The following OTOGL variants were observed in gnomAD, a reference collection of about 807,000 sequenced individuals.
OTOGL encodes otogelin like, also known as otogelin-like protein.
OTOGL carries 285 observed loss-of-function variants against 318.5 expected under a neutral mutation model. The observed-to-expected ratio is 0.89, with a 90% CI of 0.81 to 0.99. The LOEUF (loss-of-function observed/expected upper bound fraction) is 0.99, where lower values mean the gene tolerates loss of function less well. Among genes scored for constraint, OTOGL ranks in the 50% least tolerant of loss-of-function variants. OTOGL has a pLI of 0.00. For missense variants in OTOGL, 2,899 were observed against 2,845.6 expected (o/e 1.02, Z -0.43); for synonymous variants, 987 against 936.5 (o/e 1.05, Z -0.99).
intron 1 of OTOGL, among the ~76,000 whole-genome samples, chr12:80,157,898 A>G (rs1012006496): frequency 6.6e-6 from 1 of 152,044 alleles, no homozygotes; most frequent in Non-Finnish European, 1.5e-5. Flanking sequence ...TCCTTGAATC[A>G]ATTTCTGTTG....
In OTOGL at chr12:80,367,597, T is replaced by C; in HGVS notation, c.6368T>C (p.Val2123Ala). 1 of 1,545,814 alleles carries C rather than the reference T, an allele frequency of 6.5e-7. No homozygotes were observed. The highest frequency in any genetic ancestry group is 8.8e-7 in the Non-Finnish European group (1 of 1,136,332). The change falls in exon 54 of 59, where the codon GTA (valine) becomes GCA (alanine). Residue 2123 changes from valine (V) to alanine (A), a missense_variant. By Grantham distance (64) the Val-to-Ala change is moderately conservative (BLOSUM62 0). Coordinates refer to ENST00000547103, the MANE Select transcript of OTOGL (RefSeq NM_001378609.3). ...GTGTGTGTATTTCAAGAAGTATCAG[T>C]ATTGAATCCTGGACAATCCATGATA... ...DDVCVFQEVS[V>A]LNPGQSMIKY...
At chr12:80,278,487 G>A (rs1184052947) in intron 25 of OTOGL, among the ~76,000 whole-genome samples, 1 of 151,390 alleles carries the variant, frequency 6.6e-6, no homozygotes, top group African/African-American at 2.4e-5. Context: ...GAAGAAAACT[G>A]TGAAACACAA....
intron 52 of OTOGL, among the ~76,000 whole-genome samples, chr12:80,361,584 A>G (rs918593045): frequency 2.6e-5 from 4 of 152,094 alleles, no homozygotes; most frequent in African/African-American, 9.7e-5. Flanking sequence ...GACTATGCTA[A>G]TTTACATTCC....
At chr12:80,108,744 T>C (rs1869605166) in intron 1 of OTOGL, among the ~76,000 whole-genome samples, 2 of 144,848 alleles carry the variant, frequency 1.4e-5, no homozygotes, top group South Asian at 2.1e-4. Context: ...TGGACACATG[T>C]ATTTAAAAAA....
At chr12:80,252,859 C>T (rs541919296) in intron 13 of OTOGL, among the ~76,000 whole-genome samples, 1 of 152,276 alleles carries the variant, frequency 6.6e-6, no homozygotes, top group African/African-American at 2.4e-5. Context: ...TGTTTGTGAC[C>T]TGTCAATGAC....
intron 1 of OTOGL, among the ~76,000 whole-genome samples, chr12:80,149,446 C>T (rs1872627686): frequency 6.6e-6 from 1 of 152,214 alleles, no homozygotes. Flanking sequence ...CAGTTGCGTA[C>T]TGGGAGAACC....
intron 1 of OTOGL, among the ~76,000 whole-genome samples, chr12:80,187,643 T>A (rs1318226383): frequency 6.6e-6 from 1 of 152,136 alleles, no homozygotes; most frequent in Non-Finnish European, 1.5e-5. Context: ...TATAAATAAC[T>A]GGAAAGCTCA....
intron 1 of OTOGL, among the ~76,000 whole-genome samples, chr12:80,185,925 A>G (rs913809956): frequency 2.6e-5 from 4 of 152,204 alleles, no homozygotes; most frequent in Non-Finnish European, 5.9e-5. Context: ...ATTAGAAAAA[A>G]GGGACAAATA....
At chr12:80,353,220 T>G (rs553550532) in intron 45 of OTOGL, 105 bp from the exon 46 acceptor site, 1 of 1,015,226 alleles carries the variant, frequency 9.9e-7, no homozygotes, top group South Asian at 3.2e-5. Context: ...GAGACTAAAA[T>G]TTGCAAAATA....
At position 80,257,876 on chromosome 12, in the gene OTOGL, C is replaced by T. The variant is rs1470599159; in HGVS notation, c.1763C>T (p.Thr588Ile). 6.3e-7 allele frequency: 1 copy of T among 1,592,992 alleles called. No homozygotes were observed. The highest frequency in any genetic ancestry group is 1.1e-5 in the South Asian group (1 of 90,074). ...LSSLFILLKT[T>I]FGLKILFAID... ...TCCTTATTTATACTTCTAAAAACCA[C>T]ATTTGGTTTAAAGATTCTGTTTGCT... Residue 588 changes from threonine (T) to isoleucine (I), a missense_variant, in exon 18 of 59, where the codon ACA (threonine) becomes ATA (isoleucine). By Grantham distance (89) the Thr-to-Ile change is moderately conservative. This residue lies in a region of OTOGL where 2,607 missense variants were observed against 2,524.9 expected (regional missense o/e 1.03). Transcript: ENST00000547103.
intron 1 of OTOGL, among the ~76,000 whole-genome samples, chr12:80,112,919 G>A (rs1373202077): frequency 6.6e-6 from 1 of 152,040 alleles, no homozygotes; most frequent in African/African-American, 2.4e-5. Flanking sequence ...ATTAATTACT[G>A]TCTCAATTTC....
intron 52 of OTOGL, among the ~76,000 whole-genome samples, chr12:80,362,506 T>C (rs1187787945): frequency 6.6e-6 from 1 of 152,198 alleles, no homozygotes; most frequent in Non-Finnish European, 1.5e-5. Flanking sequence ...GTTTTATCTA[T>C]CTCTGTAAAA....
chr12:80,104,263 T>TC (rs887781414), intron 1 of OTOGL, among the ~76,000 whole-genome samples: 5 of 152,152 alleles, frequency 3.3e-5, no homozygotes, highest in Non-Finnish European at 7.4e-5. Context: ...GTGAGAAACA[T>TC]CCCAATCTCA....
intron 37 of OTOGL, among the ~76,000 whole-genome samples, chr12:80,332,027 G>T (rs1275279530): frequency 1.3e-5 from 2 of 152,144 alleles, no homozygotes; most frequent in Non-Finnish European, 2.9e-5. Context: ...AGTCCAGATA[G>T]TTCATAGAAG....
chr12:80,302,813 T>C, intron 28 of OTOGL, 30 bp downstream of exon 28: 1 of 1,416,800 alleles, frequency 7.1e-7, no homozygotes, highest in Non-Finnish European at 9.3e-7. Flanking sequence ...AAATGAGATG[T>C]AATGAATAAA....
At chr12:80,335,727 A>C (rs1436137173) in intron 38 of OTOGL, among the ~76,000 whole-genome samples, 1 of 152,108 alleles carries the variant, frequency 6.6e-6, no homozygotes, top group Admixed American at 6.6e-5. Context: ...ATGTTTGAAT[A>C]TATGGGCAAT....
At chr12:80,335,762 A>G (rs1888352417) in intron 38 of OTOGL, among the ~76,000 whole-genome samples, 1 of 152,124 alleles carries the variant, frequency 6.6e-6, no homozygotes, top group Non-Finnish European at 1.5e-5. Flanking sequence ...ATATTAAGTT[A>G]AAGCTTAAAT....
At chr12:80,215,204 C>A (rs1454802693) in intron 4 of OTOGL, among the ~76,000 whole-genome samples, 1 of 131,708 alleles carries the variant, frequency 7.6e-6, no homozygotes, top group Non-Finnish European at 1.6e-5. Context: ...TTTTGCTCTT[C>A]TTGCCCAGGC....
chr12:80,102,776 T>C (rs893434050), intron 1 of OTOGL: 4 of 610,598 alleles, frequency 6.6e-6, no homozygotes, highest in Non-Finnish European at 8.7e-6. Context: ...GTCCTACTGA[T>C]GGATGGACTA....
Sources: gnomAD v4.1 joint callset for allele counts (sites outside exome capture counted in the v4.1 genomes callset) on GRCh38, gnomAD v4.1.1 for gene constraint, gnomAD v4.1.1 regional missense constraint, MANE v1.5 for transcripts, NCBI Gene and HGNC (gene_info 2026-07-23, HGNC 2026-07-21) for gene names.